The following KSR1 variants were observed in gnomAD, a reference collection of about 807,000 sequenced individuals.
The protein encoded by KSR1 is kinase suppressor of ras.
Under a neutral mutation model 92.9 loss-of-function variants are expected in KSR1, and 35 were observed. The ratio of observed to expected loss-of-function variants is 0.38; its 90% CI spans 0.29 to 0.50. The LOEUF (loss-of-function observed/expected upper bound fraction) is 0.50. KSR1 is among the 20% of genes least tolerant of loss of function. KSR1 has a pLI of 0.94. For missense variants in KSR1, 972 were observed against 1,158.5 expected (o/e 0.84, Z 2.34); for synonymous variants, 467 against 472.6 (o/e 0.99, Z 0.15).
At chr17:27,601,639 C>G (rs1228796650) in intron 11 of KSR1, among the ~76,000 whole-genome samples, 2 of 152,204 alleles carry the variant, frequency 1.3e-5, no homozygotes, top group African/African-American at 4.8e-5. Flanking sequence ...CCCATCCAGC[C>G]TCTTGGCACA....
At chr17:27,525,866 C>G (rs2070239792) in intron 1 of KSR1, among the ~76,000 whole-genome samples, 1 of 152,188 alleles carries the variant, frequency 6.6e-6, no homozygotes. Flanking sequence ...CCCTAAACAT[C>G]AAACTGGAGA....
At chr17:27,533,234 T>C (rs1273346814) in intron 1 of KSR1, among the ~76,000 whole-genome samples, 1 of 152,192 alleles carries the variant, frequency 6.6e-6, no homozygotes, top group Admixed American at 6.5e-5. Context: ...GGGATAGTTG[T>C]GATAGGGCGT....
Position 27,611,820 on chromosome 17 carries a change from G to A in KSR1, c.2493+191G>A, listed in dbSNP as rs184385170. On this transcript the variant is annotated intron_variant, in intron 18 of 20. Transcript: ENST00000644974. ...GGAAGGAACAGGGAGGCATAAATAA[G>A]AAAATATCTATCCTCACCCCACTGC... Among the ~76,000 whole-genome samples the A allele has an allele frequency of 2.3e-4, 35 of 152,174 alleles. No individual in the cohort carries two copies. The East Asian group carries it at 4.1e-3, about 18-fold the overall frequency.
intron 2 of KSR1, among the ~76,000 whole-genome samples, chr17:27,564,475 A>ACT (rs1208149900): frequency 1.3e-5 from 2 of 152,236 alleles, no homozygotes; most frequent in Non-Finnish European, 2.9e-5. Flanking sequence ...AGTTTAGGCA[A>ACT]TACAAATCCA....
intron 17 of KSR1, among the ~76,000 whole-genome samples, chr17:27,610,513 G>A (rs887099026): frequency 3.3e-5 from 5 of 152,236 alleles, no homozygotes; most frequent in Admixed American, 2.6e-4. Flanking sequence ...GATCTGGGAG[G>A]ATGCTCACCA....
Position 27,601,410 on chromosome 17 carries a change from T to C in KSR1, c.1510+9T>C, listed in dbSNP as rs1177549960. 1 of 1,612,136 alleles carries C rather than the reference T, an allele frequency of 6.2e-7. No individual in the cohort carries two copies. The highest frequency in any genetic ancestry group is 1.1e-5 in the South Asian group (1 of 90,982). On this transcript the variant is annotated intron_variant, in intron 11 of 20. Coordinates refer to ENST00000644974, the MANE Select transcript of KSR1 (RefSeq NM_001394583.1). Reference sequence around the variant, plus strand: ...GCAGTTTATCTTTCCAGGTGAGTCCTTTGCATGGTTCCATTAACTGCCCTT... The same window carrying C: ...GCAGTTTATCTTTCCAGGTGAGTCCCTTGCATGGTTCCATTAACTGCCCTT...
intron 1 of KSR1, among the ~76,000 whole-genome samples, chr17:27,538,115 G>A (rs951173940): frequency 3.3e-5 from 5 of 152,224 alleles, no homozygotes; most frequent in South Asian, 2.1e-4. Flanking sequence ...GCTGTTGTAG[G>A]TTTTCTGGAA....
intron 1 of KSR1, among the ~76,000 whole-genome samples, chr17:27,532,619 G>A (rs1037917523): frequency 5.9e-5 from 9 of 152,250 alleles, no homozygotes; most frequent in Admixed American, 1.3e-4. Context: ...TTCTTTGTCA[G>A]CGGGTGGGAC....
chr17:27,490,413 G>A (rs2068786827), intron 1 of KSR1, among the ~76,000 whole-genome samples: 1 of 152,144 alleles, frequency 6.6e-6, no homozygotes, highest in Admixed American at 6.5e-5. Context: ...AAGATGAACG[G>A]AACCTTAGAG....
At chr17:27,622,125 G>A (rs575405245) in intron 20 of KSR1, 87 of 621,438 alleles carry the variant, frequency 1.4e-4, no homozygotes, top group African/African-American at 1.1e-3. Flanking sequence ...CCCTCTCCAC[G>A]TGGCCTGCAT....
intron 9 of KSR1, among the ~76,000 whole-genome samples, chr17:27,596,358 C>T (rs138523200): frequency 5.8e-4 from 89 of 152,324 alleles, no homozygotes; most frequent in African/African-American, 2.0e-3. Context: ...CCTGGCGCAG[C>T]ATCCTCTGTG....
intron 1 of KSR1, among the ~76,000 whole-genome samples, chr17:27,477,625 C>T (rs760682001): frequency 1.3e-5 from 2 of 152,166 alleles, no homozygotes; most frequent in Non-Finnish European, 2.9e-5. Context: ...TGTCTGCCTC[C>T]TGCTCCACTT....
intron 1 of KSR1, among the ~76,000 whole-genome samples, chr17:27,547,163 A>G (rs1184831543): frequency 6.6e-6 from 1 of 152,222 alleles, no homozygotes; most frequent in Non-Finnish European, 1.5e-5. Context: ...AGGGGGTTGA[A>G]TCTGGCTCTG....
At chr17:27,590,283 G>A in intron 6 of KSR1, among the ~76,000 whole-genome samples, 1 of 152,208 alleles carries the variant, frequency 6.6e-6, no homozygotes, top group East Asian at 1.9e-4. Context: ...ACTTGACAAT[G>A]TGATTTGGAG....
intron 18 of KSR1, among the ~76,000 whole-genome samples, chr17:27,616,067 CAT>C (rs2074045313): frequency 6.6e-6 from 1 of 152,142 alleles, no homozygotes; most frequent in Non-Finnish European, 1.5e-5. Flanking sequence ...ATTTCATAAA[CAT>C]ATATCTGAGG....
intron 1 of KSR1, among the ~76,000 whole-genome samples, chr17:27,542,964 G>T (rs563031371): frequency 1.3e-5 from 2 of 152,284 alleles, no homozygotes; most frequent in Non-Finnish European, 2.9e-5. Flanking sequence ...CAAGCTTCTC[G>T]CAGAGGAGAT....
chr17:27,471,241 A>G (rs562578182), intron 1 of KSR1, among the ~76,000 whole-genome samples: 2 of 152,316 alleles, frequency 1.3e-5, no homozygotes, highest in South Asian at 4.1e-4. Context: ...CTGAGGAAGG[A>G]GCAAGGAAGA....
chr17:27,598,176 G>A (rs546282407), intron 10 of KSR1, among the ~76,000 whole-genome samples: 6 of 152,254 alleles, frequency 3.9e-5, no homozygotes, highest in African/African-American at 9.6e-5. Flanking sequence ...CTGCTGCCTC[G>A]GCCTCCCTGG....
chr17:27,456,981 C>T (rs911827863), intron 1 of KSR1, 107 bp downstream of exon 1: 1 of 688,098 alleles, frequency 1.5e-6, no homozygotes, highest in East Asian at 2.8e-5. Context: ...CGTCGCCCCC[C>T]TTGGAGGCTT....
Sources: gnomAD v4.1 joint callset for allele counts (sites outside exome capture counted in the v4.1 genomes callset) on GRCh38, gnomAD v4.1.1 for gene constraint, MANE v1.5 for transcripts, NCBI Gene and HGNC (gene_info 2026-07-23, HGNC 2026-07-21) for gene names.